Variants in PCDH15 observed in about 807,000 individuals in gnomAD.
PCDH15 encodes protocadherin related 15.
In PCDH15, 129 loss-of-function variants were observed where a neutral mutation model predicts 178.5. The ratio of observed to expected loss-of-function variants is 0.72; its 90% CI spans 0.63 to 0.84. The LOEUF (loss-of-function observed/expected upper bound fraction) is 0.84, where lower values mean the gene tolerates loss of function less well. Among genes scored for constraint, PCDH15 ranks in the 40% least tolerant of loss-of-function variants. The probability of loss-of-function intolerance (pLI) is 0.00; values close to 1 mark genes in which losing one functional copy is unlikely to be tolerated. For missense variants in PCDH15, 2,230 were observed against 2,099.9 expected, an observed-to-expected ratio of 1.06 and a Z score of -1.21; for synonymous variants, 800 against 732.0, an observed-to-expected ratio of 1.09 and a Z score of -1.50.
chr10:54,481,827 T>C (rs1393890464), intron 3 of PCDH15, among the ~76,000 whole-genome samples: 2 of 151,856 alleles, frequency 1.3e-5, no homozygotes, highest in Non-Finnish European at 2.9e-5. Flanking sequence ...TTTTAATTTT[T>C]ATACAAGCTT....
intron 2 of PCDH15, among the ~76,000 whole-genome samples, chr10:55,072,933 G>T (rs1345777340): frequency 6.6e-6 from 1 of 150,482 alleles, no homozygotes; most frequent in Non-Finnish European, 1.5e-5. Context: ...GGGATGCAAG[G>T]CTGGTTCAAT....
At chr10:55,269,965 G>A (rs1044702972) in intron 1 of PCDH15, among the ~76,000 whole-genome samples, 4 of 151,826 alleles carry the variant, frequency 2.6e-5, no homozygotes, top group Admixed American at 6.6e-5. Context: ...TAAAAAACTT[G>A]GAAATAAAGT....
intron 2 of PCDH15, among the ~76,000 whole-genome samples, chr10:55,379,242 T>C (rs1321659828): frequency 6.6e-6 from 1 of 152,026 alleles, no homozygotes; most frequent in Non-Finnish European, 1.5e-5. Context: ...CCTGTTATCC[T>C]GTCTAAGGCC....
chr10:55,012,948 CA>C (rs1275357377), intron 2 of PCDH15, among the ~76,000 whole-genome samples: 2 of 152,044 alleles, frequency 1.3e-5, no homozygotes, highest in Non-Finnish European at 2.9e-5. Flanking sequence ...TTGCATGTGT[CA>C]AAATTACTTC....
At chr10:54,122,551 C>G (rs1290797335) in intron 15 of PCDH15, among the ~76,000 whole-genome samples, 1 of 144,800 alleles carries the variant, frequency 6.9e-6, no homozygotes, top group Non-Finnish European at 1.5e-5. Context: ...TTGCTGGAGG[C>G]AAGAGGAAGA....
chr10:54,295,481 C>T (rs116707292), intron 8 of PCDH15, among the ~76,000 whole-genome samples: 1 of 152,170 alleles, frequency 6.6e-6, no homozygotes, highest in African/African-American at 2.4e-5. Flanking sequence ...CTGGTGCTCA[C>T]TCTTAGGGTC....
intron 1 of PCDH15, among the ~76,000 whole-genome samples, chr10:55,287,281 C>T (rs550728358): frequency 6.6e-6 from 1 of 151,940 alleles, no homozygotes; most frequent in African/African-American, 2.4e-5. Flanking sequence ...AATTTTACAA[C>T]GAGACTTTGT....
intron 2 of PCDH15, among the ~76,000 whole-genome samples, chr10:54,580,007 C>T (rs1272370480): frequency 2.0e-5 from 3 of 152,022 alleles, no homozygotes; most frequent in Admixed American, 6.6e-5. Context: ...TAAGTGTCTA[C>T]ATCAAGAAGT....
intron 8 of PCDH15, among the ~76,000 whole-genome samples, chr10:54,295,627 T>A (rs2059705392): frequency 6.6e-6 from 1 of 152,160 alleles, no homozygotes; most frequent in Non-Finnish European, 1.5e-5. Context: ...ACTCCGGACA[T>A]ACCATCTTTA....
chr10:55,529,225 A>G (rs1057037194), intron 2 of PCDH15, among the ~76,000 whole-genome samples: 1 of 152,018 alleles, frequency 6.6e-6, no homozygotes, highest in Non-Finnish European at 1.5e-5. Context: ...GAAGCTCTTT[A>G]GTTTAATTAG....
At chr10:55,465,269 G>T (rs934082827) in intron 2 of PCDH15, among the ~76,000 whole-genome samples, 4 of 152,152 alleles carry the variant, frequency 2.6e-5, no homozygotes, top group African/African-American at 9.7e-5. Context: ...TATGGAGGCA[G>T]TATTTCTTTA....
At chr10:54,747,006 A>G (rs1945552360) in intron 1 of PCDH15, among the ~76,000 whole-genome samples, 1 of 152,216 alleles carries the variant, frequency 6.6e-6, no homozygotes, top group African/African-American at 2.4e-5. Context: ...GTGTAACACC[A>G]CTGTAGGTCA....
At chr10:54,713,422 T>C (rs1038910317) in intron 1 of PCDH15, among the ~76,000 whole-genome samples, 1 of 152,090 alleles carries the variant, frequency 6.6e-6, no homozygotes, top group African/African-American at 2.4e-5. Context: ...GAGAACAATA[T>C]TCTACCTTTC....
intron 2 of PCDH15, among the ~76,000 whole-genome samples, chr10:55,601,908 G>C (rs1365625206): frequency 2.0e-5 from 3 of 152,088 alleles, no homozygotes. Context: ...AATAGGAACA[G>C]CTCCAGTCTA....
intron 3 of PCDH15, among the ~76,000 whole-genome samples, chr10:54,835,670 G>A (rs1486080250): frequency 6.6e-6 from 1 of 151,920 alleles, no homozygotes; most frequent in African/African-American, 2.4e-5. Flanking sequence ...CATAGCTCCT[G>A]TCCAATTACA....
rs1403680514 is a variant in PCDH15 at position 53,805,683 on chromosome 10, A to AAAG, written c.*893_*895dup. 2 of 152,088 alleles carry AAAG rather than the reference A, an allele frequency of 1.3e-5. No individual in the cohort carries two copies. Among genetic ancestry groups the AAAG allele is most frequent in the East Asian group, 1.9e-4 (1 of 5,188 alleles). The allele number at this position is 152,088 out of a possible 1,614,324, so 9.4% of individuals were successfully genotyped here. A position where few individuals can be genotyped will look rare whatever the true frequency, so the allele number is the denominator to read the frequency against. On this transcript the variant is annotated 3_prime_UTR_variant, in exon 38 of 38. Coordinates refer to ENST00000644397, the MANE Select transcript of PCDH15 (RefSeq NM_001384140.1). ...TGATATGCTGGGTTTACAAACTATT[A>AAAG]AAGTCTAGTGACATTAATGTGAGAC... is the stretch of plus-strand genomic sequence containing the variant.
chr10:54,134,288 C>T (rs2042695166), intron 14 of PCDH15, among the ~76,000 whole-genome samples: 1 of 92,418 alleles, frequency 1.1e-5, no homozygotes, highest in African/African-American at 3.2e-5. Flanking sequence ...GGTGATCCAC[C>T]CTCCTCAACC....
intron 3 of PCDH15, among the ~76,000 whole-genome samples, chr10:54,380,598 T>C (rs147932228): frequency 0.011 from 1,217 of 114,596 alleles, 31 homozygotes; most frequent in African/African-American, 0.04. Flanking sequence ...GACTCAATAG[T>C]GTTTAAGAGT....
chr10:55,504,048 A>G (rs2050320), intron 2 of PCDH15, among the ~76,000 whole-genome samples: 59,839 of 151,028 alleles, frequency 0.4, 12,556 homozygotes, highest in East Asian at 0.81. Flanking sequence ...AGGACAGAGT[A>G]TTTTTAGGGC....
Sources: gnomAD v4.1 joint callset for allele counts (sites outside exome capture counted in the v4.1 genomes callset) on GRCh38, gnomAD v4.1.1 for gene constraint, MANE v1.5 for transcripts, NCBI Gene and HGNC (gene_info 2026-07-23, HGNC 2026-07-21) for gene names.